The following VWF variants were observed in gnomAD, a reference collection of about 807,000 sequenced individuals.
The protein encoded by VWF is Factor VIII related antigen.
Under a neutral mutation model 308.6 loss-of-function variants are expected in VWF, and 176 were observed. The ratio of observed to expected loss-of-function variants is 0.57; its 90% CI spans 0.50 to 0.65. The LOEUF (loss-of-function observed/expected upper bound fraction) is 0.65. Ranked by LOEUF, VWF falls within the 30% of genes least tolerant of loss-of-function variation. The probability of loss-of-function intolerance (pLI) is 0.00; values close to 1 mark genes in which losing one functional copy is unlikely to be tolerated. For missense variants in VWF, 3,146 were observed against 3,648.2 expected (o/e 0.86, Z 3.55); for synonymous variants, 1,385 against 1,443.4 (o/e 0.96, Z 0.92).
At chr12:5,963,500 T>C (rs1375614189) in intron 47 of VWF, among the ~76,000 whole-genome samples, 2 of 152,120 alleles carry the variant, frequency 1.3e-5, no homozygotes, top group Non-Finnish European at 2.9e-5. Context: ...ATACCAAGCA[T>C]TGGTGAGGAA....
intron 6 of VWF, among the ~76,000 whole-genome samples, chr12:6,076,231 C>G (rs1275307493): frequency 7.9e-5 from 12 of 152,212 alleles, no homozygotes; most frequent in Non-Finnish European, 1.6e-4. Context: ...AACCTGATAA[C>G]ACAGGCAGCT....
intron 8 of VWF, 68 bp downstream of exon 8, chr12:6,073,551 T>C (rs1216078375): frequency 6.2e-7 from 1 of 1,610,630 alleles, no homozygotes; most frequent in African/African-American, 1.3e-5. Context: ...GTGGCCTTCA[T>C]CTCACTTCCC....
intron 6 of VWF, among the ~76,000 whole-genome samples, chr12:6,076,212 G>C (rs1248863626): frequency 1.3e-5 from 2 of 152,170 alleles, no homozygotes; most frequent in African/African-American, 2.4e-5. Context: ...CCACTTTGCT[G>C]ATGCCCTCAA....
chr12:6,110,663 A>C, intron 4 of VWF, 81 bp from the exon 5 acceptor site: 4 of 1,485,456 alleles, frequency 2.7e-6, no homozygotes, highest in Non-Finnish European at 3.8e-6. Flanking sequence ...CCCCAACCCC[A>C]TGTTGTAGGG....
chr12:6,092,519 C>T (rs3063460), intron 6 of VWF, among the ~76,000 whole-genome samples: 2 of 132,930 alleles, frequency 1.5e-5, no homozygotes, highest in Non-Finnish European at 3.1e-5. Context: ...ATGTGTTTGT[C>T]TGTGTGTGTG....
At chr12:6,095,428 A>AT (rs753446432) in intron 6 of VWF, 32 bp downstream of exon 6, 1 of 1,613,668 alleles carries the variant, frequency 6.2e-7, no homozygotes, top group Non-Finnish European at 8.5e-7. Context: ...ATCACACACC[A>AT]TCCAGGTGCA....
At chr12:5,980,448 C>T (rs975289951) in intron 42 of VWF, among the ~76,000 whole-genome samples, 1 of 152,122 alleles carries the variant, frequency 6.6e-6, no homozygotes, top group African/African-American at 2.4e-5. Flanking sequence ...AAGGTGGCTG[C>T]TAGTCAAATC....
chr12:5,971,117 A>G (rs371858790), intron 44 of VWF, among the ~76,000 whole-genome samples: 3 of 152,198 alleles, frequency 2.0e-5, no homozygotes, highest in African/African-American at 7.2e-5. Flanking sequence ...CCAGACCTGC[A>G]GAAATAGCAG....
rs756626693 is a variant in VWF, at chr12:6,052,679, G to A, written c.2050C>T (p.Leu684=). The change falls in exon 16 of 52, where the codon CTG becomes TTG. Residue 684 remains leucine (L), a synonymous_variant. Coordinates refer to ENST00000261405, the MANE Select transcript of VWF (RefSeq NM_000552.5). ...YPDEECNEAC[L]EGCFCPPGLY... ...CCTGGGGGGCAGAAGCAGCCCTCCA[G>A]GCAGGCCTCATTGCATTCCTCATCC... 5 of 1,614,116 alleles carry A rather than the reference G, an allele frequency of 3.1e-6. No homozygotes were observed. In the African/African-American group the frequency reaches 6.7e-5, roughly 22 times the overall value.
Position 6,034,700 on chromosome 12 carries a change from G to A in VWF, c.2673C>T (p.Tyr891=), listed in dbSNP as rs753317915. 6.2e-6 allele frequency: 10 copies of A among 1,613,856 alleles called. No individual in the cohort carries two copies. The highest frequency in any genetic ancestry group is 2.2e-5 in the East Asian group (1 of 44,872). The change falls in exon 20 of 52, where the codon TAC becomes TAT. Residue 891 remains tyrosine, a synonymous_variant. Transcript: ENST00000261405. ...CCCCACCTCTCACCTGCACCAGAACGTACTGGCACTCCCCGGGGAACAGGT... is the reference window on the plus strand; with the variant it reads ...CCCCACCTCTCACCTGCACCAGAACATACTGGCACTCCCCGGGGAACAGGT... ...LKYLFPGECQ[Y]VLVQDYCGSN... is the part of the protein sequence containing the mutation.
chr12:6,000,788 A>C (rs1257331506), intron 34 of VWF, among the ~76,000 whole-genome samples: 2 of 101,174 alleles, frequency 2.0e-5, no homozygotes, highest in South Asian at 8.8e-4. Context: ...CTCCAGCCTG[A>C]GCCACAGAGC....
rs1944144302 is a variant in VWF at position 6,022,895 on chromosome 12, T to G, written c.3383A>C (p.Gln1128Pro). The G allele has an allele frequency of 2.0e-6, 1 of 489,508 alleles. No homozygotes were observed. Among genetic ancestry groups the G allele is most frequent in the African/African-American group, 2.3e-5 (1 of 42,964 alleles). 30.3% of individuals were successfully genotyped at this position (489,508 alleles called of 1,614,324 possible). A position where few individuals can be genotyped will look rare whatever the true frequency, so the allele number is the denominator to read the frequency against. Reference protein sequence around the residue: ...VTWRTATLCPQSCEERNLREN... With the variant: ...VTWRTATLCPPSCEERNLREN... Reference sequence around the variant, plus strand: ...CCGGAGATTCCTCTCCTCGCAGCTCTGGGCTGTGTAGACAGGAGACAAGGC... The same window carrying G: ...CCGGAGATTCCTCTCCTCGCAGCTCGGGGCTGTGTAGACAGGAGACAAGGC... The change falls in exon 26 of 52, where the codon CAG (glutamine) becomes CCG (proline). Residue 1128 changes from glutamine to proline, a missense_variant. Around this residue, in one of 3 missense-constraint regions of VWF, gnomAD observed 853 missense variants for 1,177.8 expected, o/e 0.72. Transcript: ENST00000261405.
chr12:6,063,140 G>T lies in VWF; in HGVS notation c.1433-86C>A. On this transcript the variant is annotated intron_variant, in intron 12 of 51. Transcript: ENST00000261405. The surrounding 1 kb of genome is among the most constrained non-coding windows in gnomAD (Gnocchi z 4.9). ...AGATGTATTTGGGAGGAAATGGGGT[G>T]TCTCAAAAGGATGGTAGCACTGAAG... 1.8e-6 allele frequency: 2 copies of T among 1,094,314 alleles called. No homozygotes were observed. Among genetic ancestry groups the T allele is most frequent in the Non-Finnish European group, 2.7e-6 (2 of 733,168 alleles). 67.8% of individuals were successfully genotyped at this position (1,094,314 alleles called of 1,614,324 possible).
chr12:6,047,275 G>T (rs113216570), intron 16 of VWF, among the ~76,000 whole-genome samples: 6 of 152,202 alleles, frequency 3.9e-5, no homozygotes, highest in Non-Finnish European at 8.8e-5. Context: ...CAGCAGCTCG[G>T]ACCGCTCCTT....
rs372577926 is a variant in VWF at position 5,949,890 on chromosome 12, G to A, written c.8156-7C>T. On this transcript the variant is annotated splice_region_variant and splice_polypyrimidine_tract_variant and intron_variant, in intron 50 of 51. Transcript: ENST00000261405. Reference sequence around the variant, plus strand: ...TTGCACTCAGGCTCCTCACCTACAGGACAGGTGAGAGATGAAACTTGAGGA... The same window carrying A: ...TTGCACTCAGGCTCCTCACCTACAGAACAGGTGAGAGATGAAACTTGAGGA... 33 of 1,610,844 alleles carry A rather than the reference G, an allele frequency of 2.0e-5. No individual in the cohort carries two copies. Among genetic ancestry groups the A allele is most frequent in the Admixed American group, 1.7e-4 (10 of 60,000 alleles).
chr12:5,949,132 A>G lies in VWF; in HGVS notation c.8325T>C (p.Ser2775=), dbSNP rs138588762. The G allele has an allele frequency of 2.5e-4, 407 of 1,614,272 alleles. No homozygotes were observed. Among genetic ancestry groups the G allele is most frequent in the Non-Finnish European group, 3.2e-4 (381 of 1,180,048 alleles). ...NDVQDQCSCC[S]PTRTEPMQVA... is the part of the protein sequence containing the mutation. ...CCTGCATGGGCTCCGTCCGTGTCGG[A>G]GAGCAGCAGGAGCACTGGTCCTGCA... Residue 2775 remains serine (S), a synonymous_variant, in exon 52 of 52, where the codon TCT becomes TCC. Coordinates refer to ENST00000261405, the MANE Select transcript of VWF (RefSeq NM_000552.5).
chr12:6,031,501 G>C lies in VWF; in HGVS notation c.2763C>G (p.Cys921Trp). The part of the protein sequence containing the change: ...NKGCSHPSVK[C>W]KKRVTILVEG... The stretch of plus-strand genomic sequence containing the variant: ...CCACCAGGATGGTGACCCGTTTCTT[G>C]CATTTCACTGAGGGGTGGCTGCATC... Residue 921 changes from cysteine to tryptophan, a missense_variant, in exon 21 of 52, where the codon TGC (cysteine) becomes TGG (tryptophan). Cys to Trp is a radical substitution (Grantham distance 215). This residue lies in a region of VWF where 1,304 missense variants were observed against 1,353.0 expected (regional missense o/e 0.96). Transcript: ENST00000261405. The C allele has an allele frequency of 6.2e-7, 1 of 1,614,144 alleles. No individual in the cohort carries two copies. The highest frequency in any genetic ancestry group is 8.5e-7 in the Non-Finnish European group (1 of 1,180,020).
chr12:5,963,475 T>C (rs1943341554), intron 47 of VWF, among the ~76,000 whole-genome samples: 1 of 152,220 alleles, frequency 6.6e-6, no homozygotes, highest in Non-Finnish European at 1.5e-5. Flanking sequence ...ATGGCTAAAA[T>C]TGAAAAGCAT....
chr12:6,073,273 CAGG>C (rs887619019), intron 8 of VWF, among the ~76,000 whole-genome samples: 1 of 152,136 alleles, frequency 6.6e-6, no homozygotes, highest in African/African-American at 2.4e-5. Flanking sequence ...ATGACAAACC[CAGG>C]AGATCTTTTT....
Sources: gnomAD v4.1 joint callset for allele counts (sites outside exome capture counted in the v4.1 genomes callset) on GRCh38, gnomAD v4.1.1 for gene constraint, gnomAD v4.1.1 regional missense constraint, Gnocchi (gnomAD v3.1) non-coding constraint, MANE v1.5 for transcripts, NCBI Gene and HGNC (gene_info 2026-07-23, HGNC 2026-07-21) for gene names.